The following GCNT1 variants were observed in gnomAD, a reference collection of about 807,000 sequenced individuals.
GCNT1 encodes the protein beta-1,3-galactosyl-O-glycosyl-glycoprotein beta-1,6-N-acetylglucosaminyltransferase.
In GCNT1, 16 loss-of-function variants were observed where a neutral mutation model predicts 26.2. The observed-to-expected ratio is 0.61, with a 90% CI of 0.41 to 0.93. GCNT1 has a LOEUF of 0.93. GCNT1 is among the 40% of genes least tolerant of loss of function. The pLI, the probability that GCNT1 is intolerant of heterozygous loss-of-function variation, is 0.00. For synonymous variants in GCNT1, 183 were observed against 190.8 expected (o/e 0.96, Z 0.34); for missense variants, 477 against 526.7 (o/e 0.91, Z 0.92).
At chr9:76,441,965 C>T (rs976640379) in exon 1 of GCNT1, 3 of 152,188 alleles carry the variant, frequency 2.0e-5, no homozygotes, top group African/African-American at 7.2e-5. Context: ...TGACTCAGAG[C>T]TGGGGAAAAC....
In GCNT1 at chr9:76,505,010, C is replaced by T; in HGVS notation, c.*1342C>T. 1 of 413,076 alleles carries T rather than the reference C, an allele frequency of 2.4e-6. No homozygotes were observed. Among genetic ancestry groups the T allele is most frequent in the Non-Finnish European group, 4.4e-6 (1 of 226,106 alleles). 25.6% of individuals were successfully genotyped at this position (413,076 alleles called of 1,614,324 possible). A position where few individuals can be genotyped will look rare whatever the true frequency, so the allele number is the denominator to read the frequency against. ...TAATTTGGGGTTGCTATAATGCTGTCACACATCTCAAAGTACATTCAAATC... is the reference window on the plus strand; with the variant it reads ...TAATTTGGGGTTGCTATAATGCTGTTACACATCTCAAAGTACATTCAAATC... On this transcript the variant is annotated 3_prime_UTR_variant, in exon 4 of 4. Coordinates refer to ENST00000376730, the MANE Select transcript of GCNT1 (RefSeq NM_001490.5).
chr9:76,394,311 G>C, the GCNT1 span: 1 of 729,126 alleles, frequency 1.4e-6, no homozygotes. Flanking sequence ...CCAGTGGCCG[G>C]ACGACGCCGA....
intron 1 of GCNT1, among the ~76,000 whole-genome samples, chr9:76,451,731 C>A: frequency 6.6e-6 from 1 of 152,096 alleles, no homozygotes; most frequent in Non-Finnish European, 1.5e-5. Context: ...TGTGAGAAAA[C>A]AAAATTCTGT....
chr9:76,475,418 C>G (rs1262616996), intron 2 of GCNT1, among the ~76,000 whole-genome samples: 1 of 152,180 alleles, frequency 6.6e-6, no homozygotes, highest in African/African-American at 2.4e-5. Context: ...CAGAGCTCCT[C>G]TCTGGAAAAG....
intron 1 of GCNT1, among the ~76,000 whole-genome samples, chr9:76,447,958 G>T (rs531214556): frequency 6.6e-6 from 1 of 152,248 alleles, no homozygotes; most frequent in East Asian, 1.9e-4. Flanking sequence ...GCATTTAGTG[G>T]CATGGCTGTG....
chr9:76,424,619 C>T (rs910364451), intron 1 of GCNT1, among the ~76,000 whole-genome samples: 3 of 152,086 alleles, frequency 2.0e-5, no homozygotes, highest in African/African-American at 7.2e-5. Context: ...AAGACCTGGG[C>T]CTTAAAGTCT....
chr9:76,482,076 C>G (rs1164405570), intron 2 of GCNT1, among the ~76,000 whole-genome samples: 2 of 152,144 alleles, frequency 1.3e-5, no homozygotes, highest in Non-Finnish European at 2.9e-5. Flanking sequence ...AACACCATCT[C>G]TGTCTTTCTA....
chr9:76,399,425 C>T, the GCNT1 span: 98 of 1,504,394 alleles, frequency 6.5e-5, no homozygotes, highest in Non-Finnish European at 7.9e-5. Context: ...TGCTACTCAG[C>T]CTGAGGTTGC....
chr9:76,477,784 C>T (rs1824287415), intron 2 of GCNT1, among the ~76,000 whole-genome samples: 1 of 152,166 alleles, frequency 6.6e-6, no homozygotes, highest in South Asian at 2.1e-4. Flanking sequence ...ACAGTAGCTC[C>T]CCATTCTTCC....
the GCNT1 span, among the ~76,000 whole-genome samples, chr9:76,409,015 T>C: frequency 0.31 from 46,948 of 152,094 alleles, 8,084 homozygotes; most frequent in Non-Finnish European, 0.39. Flanking sequence ...CTGAAAGAGA[T>C]TATAGAAAAT....
At chr9:76,460,353 G>C (rs1029225215) in intron 2 of GCNT1, among the ~76,000 whole-genome samples, 176 bp downstream of exon 2, 12 of 152,362 alleles carry the variant, frequency 7.9e-5, no homozygotes, top group South Asian at 6.2e-4. Context: ...CTTGAGATGA[G>C]AATGCGGCCA....
At chr9:76,460,566 C>G (rs1157496729) in intron 2 of GCNT1, among the ~76,000 whole-genome samples, 3 of 152,204 alleles carry the variant, frequency 2.0e-5, no homozygotes, top group Admixed American at 6.5e-5. Flanking sequence ...GGCAGGCCCC[C>G]CTGCTGGAGG....
chr9:76,434,045 A>G (rs1248740100), intron 1 of GCNT1, among the ~76,000 whole-genome samples: 1 of 152,236 alleles, frequency 6.6e-6, no homozygotes, highest in Non-Finnish European at 1.5e-5. Flanking sequence ...TTACAACTAC[A>G]TGCTGCATGA....
the GCNT1 span, chr9:76,399,053 C>T: frequency 1.9e-6 from 3 of 1,596,216 alleles, no homozygotes; most frequent in Non-Finnish European, 2.5e-6. Context: ...CTTCCGGGAG[C>T]CATGGCTTCT....
At chr9:76,462,997 T>G (rs542316933) in intron 2 of GCNT1, among the ~76,000 whole-genome samples, 1 of 152,320 alleles carries the variant, frequency 6.6e-6, no homozygotes, top group Non-Finnish European at 1.5e-5. Context: ...CTAACAGCAA[T>G]AAAACGAAGA....
the GCNT1 span, among the ~76,000 whole-genome samples, chr9:76,403,000 G>A: frequency 4.0e-3 from 605 of 152,130 alleles, 4 homozygotes; most frequent in African/African-American, 0.014. Flanking sequence ...TAAATACACC[G>A]CACATATGGA....
intron 1 of GCNT1, among the ~76,000 whole-genome samples, chr9:76,422,570 G>T (rs942676678): frequency 3.3e-5 from 5 of 152,030 alleles, no homozygotes; most frequent in Non-Finnish European, 7.4e-5. Context: ...TTGAGACAGG[G>T]TTTTGCTCTA....
chr9:76,427,433 GC>G (rs1321678963), intron 1 of GCNT1, among the ~76,000 whole-genome samples: 2 of 152,130 alleles, frequency 1.3e-5, no homozygotes, highest in Admixed American at 1.3e-4. Context: ...GCCCGCCTCA[GC>G]CCCCCAAAGT....
the GCNT1 span, among the ~76,000 whole-genome samples, chr9:76,412,326 T>G: frequency 3.2e-4 from 48 of 152,210 alleles, no homozygotes; most frequent in African/African-American, 1.1e-3. Flanking sequence ...TTTTTTAAGT[T>G]TTTATTTACC....
Sources: gnomAD v4.1 joint callset for allele counts (sites outside exome capture counted in the v4.1 genomes callset) on GRCh38, gnomAD v4.1.1 for gene constraint, MANE v1.5 for transcripts, NCBI Gene and HGNC (gene_info 2026-07-23, HGNC 2026-07-21) for gene names.